DMD: variants seen among roughly 807,000 people sequenced by gnomAD.
The protein encoded by DMD is mutant dystrophin.
A neutral mutation model predicts 330.1 loss-of-function variants in DMD; 63 were observed. That is an observed-to-expected ratio of 0.19 (90% confidence interval 0.16 to 0.24). DMD has a LOEUF of 0.24. Ranked by LOEUF, DMD falls within the 10% of genes least tolerant of loss-of-function variation. The pLI, the probability that DMD is intolerant of heterozygous loss-of-function variation, is 1.00. For missense variants in DMD, 3,344 were observed against 2,684.1 expected (o/e 1.25, Z -5.43); for synonymous variants, 1,223 against 959.8 (o/e 1.27, Z -5.07).
At chrX:31,728,973 C>T (rs1398049956) in intron 52 of DMD, among the ~76,000 whole-genome samples, 1 of 110,986 alleles carries the variant, frequency 9.0e-6, no homozygotes, top group Non-Finnish European at 1.9e-5. Flanking sequence ...CCTACTCCTT[C>T]GTCTGTCACT....
intron 43 of DMD, among the ~76,000 whole-genome samples, chrX:32,276,206 C>T (rs951433399): frequency 1.8e-5 from 2 of 112,556 alleles, no homozygotes; most frequent in Admixed American, 9.4e-5. Context: ...GGGAATCGCC[C>T]ATCCCAGCAG....
At chrX:32,240,520 G>T (rs2148057251) in intron 43 of DMD, among the ~76,000 whole-genome samples, 1 of 111,406 alleles carries the variant, frequency 9.0e-6, no homozygotes, top group African/African-American at 3.3e-5. Context: ...AAGGTCTGTT[G>T]TTTATAAGGC....
chrX:32,883,607 G>A (rs769315186), intron 2 of DMD, among the ~76,000 whole-genome samples: 9 of 109,479 alleles, frequency 8.2e-5, no homozygotes, highest in African/African-American at 2.0e-4. Context: ...GGTGGATCAC[G>A]AGGTCAGGAG....
chrX:33,009,943 CACGTGTGTAT>C (rs1185028041), intron 2 of DMD, among the ~76,000 whole-genome samples: 1 of 48,735 alleles, frequency 2.1e-5, no homozygotes, highest in African/African-American at 1.1e-4. Context: ...TGTGTATATA[CACGTGTGTAT>C]GTGTATATAC....
In DMD at chrX:32,491,154, G is replaced by A. The variant is rs2042958424; in HGVS notation, c.2622+123C>T. ...TGTTGCTTACATTTTGAACTTTATTGCGCTTAGCTAAATCCTTAGAAGGTG... is the reference window on the plus strand; with the variant it reads ...TGTTGCTTACATTTTGAACTTTATTACGCTTAGCTAAATCCTTAGAAGGTG... On this transcript the variant is annotated intron_variant, in intron 20 of 78. Coordinates refer to ENST00000357033, the MANE Select transcript of DMD (RefSeq NM_004006.3). 3 of 901,739 alleles carry A rather than the reference G, an allele frequency of 3.3e-6. No individual in the cohort carries two copies. The East Asian group carries it at 9.4e-5, about 28-fold the overall frequency. 74.3% of individuals were successfully genotyped at this position (901,739 alleles called of 1,213,427 possible).
At chrX:32,987,661 A>G (rs1285427916) in intron 2 of DMD, among the ~76,000 whole-genome samples, 1 of 111,236 alleles carries the variant, frequency 9.0e-6, no homozygotes, top group East Asian at 2.8e-4. Flanking sequence ...GCATGAAATG[A>G]AGGCTTTTAT....
chrX:31,423,027 T>A (rs1221666135), intron 60 of DMD, among the ~76,000 whole-genome samples: 1 of 111,823 alleles, frequency 8.9e-6, no homozygotes, highest in Non-Finnish European at 1.9e-5. Flanking sequence ...GTAGAAAAGA[T>A]CAAACTAAAA....
At chrX:32,060,530 C>G (rs935135881) in intron 44 of DMD, among the ~76,000 whole-genome samples, 1 of 111,204 alleles carries the variant, frequency 9.0e-6, no homozygotes, top group Non-Finnish European at 1.9e-5. Flanking sequence ...TTTGCTACTT[C>G]CTTCATTGTT....
intron 12 of DMD, among the ~76,000 whole-genome samples, chrX:32,612,109 C>T (rs770840863): frequency 8.3e-4 from 92 of 111,206 alleles, no homozygotes; most frequent in Middle Eastern, 9.3e-3. Flanking sequence ...TATGAGAGCA[C>T]GGGGACGTTC....
intron 30 of DMD, among the ~76,000 whole-genome samples, chrX:32,397,075 A>T (rs188100209): frequency 0.024 from 2,628 of 111,651 alleles, 72 homozygotes; most frequent in African/African-American, 0.079. Flanking sequence ...TTTTGACATT[A>T]TGAGAATATG....
chrX:32,871,964 G>C (rs987618885), intron 2 of DMD, among the ~76,000 whole-genome samples: 4 of 110,995 alleles, frequency 3.6e-5, no homozygotes, highest in Non-Finnish European at 7.6e-5. Flanking sequence ...AGGCGAGACT[G>C]AAAGTATGCT....
intron 27 of DMD, among the ~76,000 whole-genome samples, chrX:32,446,216 A>C (rs747375659): frequency 4.5e-5 from 5 of 110,988 alleles, no homozygotes; most frequent in Admixed American, 2.9e-4. Context: ...ACAAAGTATA[A>C]ATGAAAGCAA....
At chrX:31,308,571 AATT>A (rs2055226851) in intron 62 of DMD, among the ~76,000 whole-genome samples, 1 of 111,584 alleles carries the variant, frequency 9.0e-6, no homozygotes, top group Non-Finnish European at 1.9e-5. Flanking sequence ...ATTTTTTAAA[AATT>A]ATTTATTTAT....
chrX:32,314,333 T>G lies in DMD; in HGVS notation c.5923-4057A>C, dbSNP rs752386291. On this transcript the variant is annotated intron_variant, in intron 41 of 78. Transcript: ENST00000357033. ...ATTTAATAAATGGTGTCGGGAAAAC[T>G]GGCTGGCCATATGCAGAAAACGGAA... Among the ~76,000 whole-genome samples, 5 of 111,501 alleles carry G rather than the reference T, an allele frequency of 4.5e-5. No individual in the cohort carries two copies. In the South Asian group the frequency reaches 1.9e-3, roughly 42 times the overall value.
intron 2 of DMD, among the ~76,000 whole-genome samples, chrX:33,014,571 T>C (rs751064383): frequency 2.7e-5 from 3 of 111,579 alleles, no homozygotes; most frequent in South Asian, 3.8e-4. Context: ...CAAGGAAATA[T>C]GGCTTATTAC....
At chrX:31,889,641 T>A (rs1384649394) in intron 47 of DMD, among the ~76,000 whole-genome samples, 14 of 68,722 alleles carry the variant, frequency 2.0e-4, no homozygotes, top group African/African-American at 8.5e-4. Flanking sequence ...TCTCTCTCTC[T>A]CTCTCTCACA....
At chrX:33,073,288 T>C (rs903030139) in intron 1 of DMD, among the ~76,000 whole-genome samples, 1 of 111,779 alleles carries the variant, frequency 8.9e-6, no homozygotes, top group East Asian at 2.8e-4. Context: ...ATAATAATAG[T>C]TACCATTTAA....
chrX:32,612,930 A>C (rs2057288053), intron 12 of DMD, among the ~76,000 whole-genome samples: 1 of 111,338 alleles, frequency 9.0e-6, no homozygotes, highest in African/African-American at 3.3e-5. Context: ...AAACTCTAGA[A>C]CTTAGAAATA....
intron 16 of DMD, among the ~76,000 whole-genome samples, chrX:32,563,052 G>A (rs1464230644): frequency 1.8e-5 from 2 of 111,255 alleles, no homozygotes; most frequent in Non-Finnish European, 3.8e-5. Flanking sequence ...ATTAAAAGGA[G>A]ATAGTGGGCC....
Sources: gnomAD v4.1 joint callset for allele counts (sites outside exome capture counted in the v4.1 genomes callset) on GRCh38, gnomAD v4.1.1 for gene constraint, MANE v1.5 for transcripts, NCBI Gene and HGNC (gene_info 2026-07-23, HGNC 2026-07-21) for gene names.